The following LRP12 variants were observed in gnomAD, a reference collection of about 807,000 sequenced individuals.
The protein encoded by LRP12 is LDL receptor related protein 12.
LRP12 carries 14 observed loss-of-function variants against 66.0 expected under a neutral mutation model. The ratio of observed to expected loss-of-function variants is 0.21; its 90% confidence interval spans 0.14 to 0.33. The LOEUF is 0.33. Ranked by LOEUF, LRP12 falls within the 10% of genes least tolerant of loss-of-function variation. The probability of loss-of-function intolerance (pLI) is 1.00; values close to 1 mark genes in which losing one functional copy is unlikely to be tolerated. For synonymous variants in LRP12, 357 were observed against 359.1 expected, an observed-to-expected ratio of 0.99 and a Z score of 0.07; for missense variants, 889 against 1,053.4, an observed-to-expected ratio of 0.84 and a Z score of 2.16.
chr8:104,554,353 C>A (rs1811772682), intron 1 of LRP12, among the ~76,000 whole-genome samples: 1 of 151,864 alleles, frequency 6.6e-6, no homozygotes, highest in South Asian at 2.1e-4. Context: ...AAGGTGAATA[C>A]CAACTTTAAG....
intron 1 of LRP12, among the ~76,000 whole-genome samples, chr8:104,537,630 C>T (rs529554091): frequency 1.1e-4 from 16 of 152,104 alleles, no homozygotes; most frequent in Non-Finnish European, 2.4e-4. Context: ...TTAAAACAAG[C>T]TTCAACTAGA....
At chr8:104,532,490 T>C (rs1314766303) in intron 1 of LRP12, among the ~76,000 whole-genome samples, 1 of 152,098 alleles carries the variant, frequency 6.6e-6, no homozygotes, top group Non-Finnish European at 1.5e-5. Flanking sequence ...TCCCTCAAAT[T>C]AATGTAAGCA....
chr8:104,500,937 A>G (rs1426531745), intron 3 of LRP12, among the ~76,000 whole-genome samples: 1 of 152,210 alleles, frequency 6.6e-6, no homozygotes, highest in Non-Finnish European at 1.5e-5. Flanking sequence ...TAGCAAAATG[A>G]CATATTCTAT....
intron 2 of LRP12, 106 bp from the exon 3 acceptor site, chr8:104,509,180 A>G (rs951195446): frequency 1.7e-5 from 15 of 901,074 alleles, no homozygotes; most frequent in Non-Finnish European, 2.3e-5. Flanking sequence ...ACATCAAATA[A>G]TAACCAATAA....
In LRP12 at chr8:104,588,838, A is replaced by G. The variant is rs1812379779; in HGVS notation, c.60T>C (p.Leu20=). Residue 20 remains leucine, a synonymous_variant, in exon 1 of 7, where the codon CTT becomes CTC. Coordinates refer to ENST00000276654, the MANE Select transcript of LRP12 (RefSeq NM_013437.5). The part of the protein sequence containing the change: ...SPRWRSALLL[L]FLAGVYGNGA... ...ACTTACCGTACACCCCAGCGAGGAA[A>G]AGCAAGAGCAACGCAGACCTCCACC... 1 of 1,612,616 alleles carries G rather than the reference A, an allele frequency of 6.2e-7. No homozygotes were observed. Among genetic ancestry groups the G allele is most frequent in the Non-Finnish European group, 8.5e-7 (1 of 1,179,412 alleles).
rs575752833 is a variant in LRP12, at chr8:104,500,382, G to A, written c.273-863C>T. On this transcript the variant is annotated intron_variant, in intron 3 of 6. Coordinates refer to ENST00000276654, the MANE Select transcript of LRP12 (RefSeq NM_013437.5). ...ACAAAAGCTGATAGACAATTTGATTGTTTCCAGGTTTGCACTATTATGAAC... is the reference window on the plus strand; with the variant it reads ...ACAAAAGCTGATAGACAATTTGATTATTTCCAGGTTTGCACTATTATGAAC... Among the ~76,000 whole-genome samples the A allele has an allele frequency of 1.4e-4, 22 of 152,272 alleles. No individual in the cohort carries two copies. The South Asian group carries it at 4.1e-3, about 29-fold the overall frequency.
At chr8:104,533,160 T>C (rs952228422) in intron 1 of LRP12, among the ~76,000 whole-genome samples, 4 of 152,114 alleles carry the variant, frequency 2.6e-5, no homozygotes, top group Non-Finnish European at 4.4e-5. Context: ...AAGGCCATAT[T>C]AAGTATACAA....
At chr8:104,528,630 C>T (rs1279395626) in intron 2 of LRP12, among the ~76,000 whole-genome samples, 1 of 151,908 alleles carries the variant, frequency 6.6e-6, no homozygotes, top group African/African-American at 2.4e-5. Flanking sequence ...CAAAAATTAG[C>T]TGGGCGTGGT....
At chr8:104,559,765 T>C (rs1811874099) in intron 1 of LRP12, among the ~76,000 whole-genome samples, 1 of 152,198 alleles carries the variant, frequency 6.6e-6, no homozygotes, top group Non-Finnish European at 1.5e-5. Context: ...ATAATTCTTG[T>C]TAATCATACC....
chr8:104,535,744 TA>T (rs758418438), intron 1 of LRP12, among the ~76,000 whole-genome samples: 4 of 152,024 alleles, frequency 2.6e-5, no homozygotes, highest in Non-Finnish European at 4.4e-5. Context: ...ACACAGTCAT[TA>T]AAAAGTCTGT....
intron 1 of LRP12, among the ~76,000 whole-genome samples, chr8:104,570,143 A>G (rs149852017): frequency 3.9e-5 from 6 of 152,308 alleles, no homozygotes; most frequent in Non-Finnish European, 5.9e-5. Flanking sequence ...AAAGACCTAA[A>G]TTAACAGAGC....
At chr8:104,507,032 T>C (rs780033269) in intron 3 of LRP12, 5 of 152,206 alleles carry the variant, frequency 3.3e-5, no homozygotes, top group South Asian at 2.1e-4. Context: ...ACTTTTTCTT[T>C]TGACTTGTTT....
intron 2 of LRP12, among the ~76,000 whole-genome samples, chr8:104,524,444 T>C (rs1302940254): frequency 6.6e-6 from 1 of 152,024 alleles, no homozygotes; most frequent in Non-Finnish European, 1.5e-5. Context: ...TGTTCAAGGG[T>C]CAACTGTATA....
chr8:104,583,724 T>C (rs1037009055), intron 1 of LRP12, among the ~76,000 whole-genome samples: 3 of 152,162 alleles, frequency 2.0e-5, no homozygotes, highest in Non-Finnish European at 2.9e-5. Flanking sequence ...CTGGTTTGAC[T>C]TCAGTTAAGT....
intron 1 of LRP12, among the ~76,000 whole-genome samples, chr8:104,579,995 A>G (rs780073636): frequency 6.6e-6 from 1 of 152,192 alleles, no homozygotes; most frequent in South Asian, 2.1e-4. Flanking sequence ...AAGCTAGGCA[A>G]TACCATTCTA....
At position 104,497,820 on chromosome 8, in the gene LRP12, G is replaced by C; in HGVS notation, c.732C>G (p.Asp244Glu). The C allele has an allele frequency of 6.2e-7, 1 of 1,614,206 alleles. No homozygotes were observed. The highest frequency in any genetic ancestry group is 1.6e-4 in the Middle Eastern group (1 of 6,062). Residue 244 changes from aspartate to glutamate, a missense_variant, in exon 5 of 7, where the codon GAC becomes GAG. Asp to Glu is a conservative substitution (Grantham distance 45). Around this residue, in one of 3 missense-constraint regions of LRP12, gnomAD observed 800 missense variants for 964.5 expected, o/e 0.83. Transcript: ENST00000276654. The surrounding 1 kb of genome is among the most constrained non-coding windows in gnomAD (Gnocchi z 4.3). ...PESLKCDGNI[D>E]CLDLGDEIDC... is the part of the protein sequence containing the mutation. ...CTATCTCATCTCCTAGGTCAAGGCA[G>C]TCAATGTTCCCATCACATTTTAAAG...
At chr8:104,559,418 G>A (rs1811867139) in intron 1 of LRP12, among the ~76,000 whole-genome samples, 1 of 151,862 alleles carries the variant, frequency 6.6e-6, no homozygotes, top group African/African-American at 2.4e-5. Context: ...GGGCTCAAAG[G>A]CATAAGAATG....
rs571080699 is a variant in LRP12 at position 104,547,424 on chromosome 8, T to A, written c.80-15461A>T. Reference sequence around the variant, plus strand: ...CAATTCTGTTATATTTTGTATATAATATACAATTCTGTTATATTTTGTATA... The same window carrying A: ...CAATTCTGTTATATTTTGTATATAAAATACAATTCTGTTATATTTTGTATA... On this transcript the variant is annotated intron_variant, in intron 1 of 6. Coordinates refer to ENST00000276654, the MANE Select transcript of LRP12 (RefSeq NM_013437.5). Among the ~76,000 whole-genome samples, 33 of 136,534 alleles carry A rather than the reference T, an allele frequency of 2.4e-4. 2 individuals carry two copies. The South Asian group carries it at 7.7e-3, about 32-fold the overall frequency. 89.6% of individuals were successfully genotyped at this position (136,534 alleles called of 152,430 possible).
chr8:104,523,370 C>T (rs551109783), intron 2 of LRP12, among the ~76,000 whole-genome samples: 23 of 152,292 alleles, frequency 1.5e-4, no homozygotes, highest in African/African-American at 5.3e-4. Context: ...AAAACCTACA[C>T]AAACACTTGC....
Sources: gnomAD v4.1 joint callset for allele counts (sites outside exome capture counted in the v4.1 genomes callset) on GRCh38, gnomAD v4.1.1 for gene constraint, gnomAD v4.1.1 regional missense constraint, Gnocchi (gnomAD v3.1) non-coding constraint, MANE v1.5 for transcripts, NCBI Gene and HGNC (gene_info 2026-07-23, HGNC 2026-07-21) for gene names.